Variants in RIPOR2 observed in about 807,000 individuals in gnomAD.
RIPOR2 encodes the protein rho family-interacting cell polarization regulator 2.
Under a neutral mutation model 114.5 loss-of-function variants are expected in RIPOR2, and 39 were observed. That is an observed-to-expected ratio of 0.34 (90% CI 0.26 to 0.44). RIPOR2 has a LOEUF of 0.44. Among genes scored for constraint, RIPOR2 ranks in the 20% least tolerant of loss-of-function variants. The pLI, the probability that RIPOR2 is intolerant of heterozygous loss-of-function variation, is 1.00. For missense variants in RIPOR2, 1,007 were observed against 1,255.1 expected (o/e 0.80, Z 2.99); for synonymous variants, 445 against 484.4 (o/e 0.92, Z 1.07).
At chr6:24,833,558 A>G (rs1441526252) in intron 15 of RIPOR2, among the ~76,000 whole-genome samples, 7 of 152,176 alleles carry the variant, frequency 4.6e-5, no homozygotes, top group African/African-American at 1.4e-4. Flanking sequence ...TAGTGCAGCA[A>G]TTATGTACTA....
chr6:24,811,036 C>G (rs1781112578), intron 20 of RIPOR2, among the ~76,000 whole-genome samples: 1 of 151,896 alleles, frequency 6.6e-6, no homozygotes, highest in Non-Finnish European at 1.5e-5. Context: ...AACTCCTGAC[C>G]TCAGGTGATC....
intron 1 of RIPOR2, among the ~76,000 whole-genome samples, chr6:25,006,409 T>A (rs549866523): frequency 5.9e-5 from 9 of 152,370 alleles, no homozygotes; most frequent in Admixed American, 5.2e-4. Flanking sequence ...AAATAATTAC[T>A]ACTTTTTCTT....
chr6:24,895,432 G>A (rs1462181366), intron 1 of RIPOR2, among the ~76,000 whole-genome samples: 2 of 131,604 alleles, frequency 1.5e-5, no homozygotes, highest in Non-Finnish European at 3.1e-5. Context: ...CTGGGCATAC[G>A]TACTTTAAAA....
upstream of RIPOR2, chr6:24,935,995 C>CAAGGA: frequency 3.3e-6 from 3 of 918,846 alleles, no homozygotes; most frequent in Non-Finnish European, 5.1e-6. Context: ...TTGGGTTGCC[C>CAAGGA]AAGCCCTCTG....
intron 13 of RIPOR2, chr6:24,840,793 G>A (rs1388384398): frequency 6.5e-7 from 1 of 1,534,862 alleles, no homozygotes; most frequent in East Asian, 2.4e-5. Flanking sequence ...TGTGAAGGAG[G>A]GAGAAAAGAG....
chr6:24,860,039 A>G (rs985727074), intron 8 of RIPOR2, among the ~76,000 whole-genome samples: 3 of 152,194 alleles, frequency 2.0e-5, no homozygotes, highest in Non-Finnish European at 2.9e-5. Context: ...ACACCTGAGC[A>G]ATGCTCTATT....
In RIPOR2 at chr6:24,988,684, T is replaced by G. The variant is rs74708702; in HGVS notation, c.76+53167A>C. On this transcript the variant is annotated intron_variant, in intron 1 of 13. Transcript: ENST00000510784. ...CAACATCTGGTTGTGTGTGTGTGTG[T>G]GTGTGTTTATCATGCTTTTAGAACT... Among the ~76,000 whole-genome samples the G allele has an allele frequency of 3.0e-3, 449 of 152,046 alleles. 4 individuals are homozygous for G. Among genetic ancestry groups the G allele is most frequent in the East Asian group, 0.018 (94 of 5,162 alleles).
chr6:25,024,486 G>T, intron 1 of RIPOR2: 1 of 838,240 alleles, frequency 1.2e-6, no homozygotes. Flanking sequence ...GCTGGACATA[G>T]TGTCTGGGAT....
intron 1 of RIPOR2, among the ~76,000 whole-genome samples, chr6:24,904,917 G>A (rs1035197140): frequency 2.6e-5 from 4 of 152,082 alleles, no homozygotes; most frequent in African/African-American, 9.7e-5. Context: ...TGGGATTACA[G>A]GCGTATACCA....
chr6:24,835,837 G>A lies in RIPOR2; in HGVS notation c.2074C>T (p.Leu692Phe), dbSNP rs902101284. The stretch of plus-strand genomic sequence containing the variant: ...GTGTCTTCAGTGAGCGCTTCACTGA[G>A]ATGCCCCCTGGCTTCTGGGTGAACC... ...RSVHPEARGH[L>F]SEALTEDTGV... The change falls in exon 15 of 22, where the codon CTC becomes TTC. Residue 692 changes from leucine to phenylalanine, a missense_variant. By Grantham distance (22) the Leu-to-Phe change is conservative (BLOSUM62 0). Transcript: ENST00000643898. 2.4e-5 allele frequency: 38 copies of A among 1,551,514 alleles called. No individual in the cohort carries two copies. In the East Asian group the frequency reaches 9.3e-4, roughly 38 times the overall value.
At chr6:24,973,496 C>T (rs570155344) in intron 1 of RIPOR2, among the ~76,000 whole-genome samples, 1 of 151,324 alleles carries the variant, frequency 6.6e-6, no homozygotes, top group East Asian at 2.0e-4. Context: ...ACTTGGGAGG[C>T]TGAGGCAGGA....
chr6:24,849,418 T>A (rs1386285278), intron 11 of RIPOR2, among the ~76,000 whole-genome samples: 1 of 152,200 alleles, frequency 6.6e-6, no homozygotes, highest in African/African-American at 2.4e-5. Flanking sequence ...GAATCAGGAT[T>A]TTTCTGAGGT....
chr6:25,009,656 G>A lies in RIPOR2; in HGVS notation c.76+32195C>T, dbSNP rs180824244. ...TTCAGTATGTATGGTGGCCTTTCCC[G>A]CAGAAACCGTGTTTTAAATGGTGGT... is the stretch of plus-strand genomic sequence containing the variant. On this transcript the variant is annotated intron_variant, in intron 1 of 13. Coordinates refer to the RIPOR2 transcript ENST00000510784. Among the ~76,000 whole-genome samples, 10 of 152,236 alleles carry A rather than the reference G, an allele frequency of 6.6e-5. No individual in the cohort carries two copies. In the South Asian group the frequency reaches 1.0e-3, roughly 16 times the overall value.
chr6:25,026,829 G>A (rs1268048707), intron 1 of RIPOR2, among the ~76,000 whole-genome samples: 1 of 152,216 alleles, frequency 6.6e-6, no homozygotes, highest in Admixed American at 6.5e-5. Context: ...GGAGCTAAGA[G>A]GCTGAGGCCT....
chr6:25,030,070 T>C (rs1005439564), intron 1 of RIPOR2, among the ~76,000 whole-genome samples: 2 of 152,084 alleles, frequency 1.3e-5, no homozygotes, highest in South Asian at 4.1e-4. Flanking sequence ...GCCTCCACTA[T>C]AGTGTCTCTC....
rs977029330 is a variant in RIPOR2, at chr6:25,033,302, G to T, written c.76+8549C>A. On this transcript the variant is annotated intron_variant, in intron 1 of 13. Coordinates refer to the RIPOR2 transcript ENST00000510784. ...TGGGCTATAATCTATTAACATCATT[G>T]TTTATTTGATGCTCACAGTGTCCCA... Among the ~76,000 whole-genome samples, 3 of 152,074 alleles carry T rather than the reference G, an allele frequency of 2.0e-5. No individual in the cohort carries two copies. In the South Asian group the frequency reaches 6.2e-4, roughly 31 times the overall value.
intron 1 of RIPOR2, chr6:24,976,733 G>T: frequency 6.2e-7 from 1 of 1,610,818 alleles, no homozygotes. Flanking sequence ...GGAGAAATTT[G>T]AAGATGAGAA....
intron 1 of RIPOR2, among the ~76,000 whole-genome samples, chr6:24,945,990 G>A (rs1772384446): frequency 6.6e-6 from 1 of 152,166 alleles, no homozygotes; most frequent in African/African-American, 2.4e-5. Context: ...CTGAAAGAAA[G>A]TCAACCTCAC....
At chr6:24,902,458 C>T (rs1768564338) in intron 1 of RIPOR2, among the ~76,000 whole-genome samples, 1 of 152,156 alleles carries the variant, frequency 6.6e-6, no homozygotes, top group Non-Finnish European at 1.5e-5. Context: ...CTCAGGCGAT[C>T]CACTCGCCTC....
Sources: allele counts gnomAD v4.1 joint callset (sites outside exome capture counted in the v4.1 genomes callset), GRCh38; gene constraint gnomAD v4.1.1; transcripts MANE v1.5; gene names NCBI Gene and HGNC (gene_info 2026-07-23, HGNC 2026-07-21).